TOP3A: variants seen among roughly 807,000 people sequenced by gnomAD.
The protein encoded by TOP3A is DNA topoisomerase 3-alpha.
Under a neutral mutation model 111.3 loss-of-function variants are expected in TOP3A, and 64 were observed. The ratio of observed to expected loss-of-function variants is 0.57; its 90% CI spans 0.47 to 0.71. The LOEUF (loss-of-function observed/expected upper bound fraction) is 0.71. Among genes scored for constraint, TOP3A ranks in the 30% least tolerant of loss-of-function variants. The probability of loss-of-function intolerance (pLI) is 0.00; values close to 1 mark genes in which losing one functional copy is unlikely to be tolerated. For missense variants in TOP3A, 1,104 were observed against 1,285.0 expected (o/e 0.86, Z 2.15); for synonymous variants, 484 against 485.1 (o/e 1.00, Z 0.03).
At position 18,305,201 on chromosome 17, in the gene TOP3A, G is replaced by A. The variant is rs1325685209; in HGVS notation, c.410C>T (p.Thr137Ile). The A allele has an allele frequency of 2.5e-6, 4 of 1,614,166 alleles. No homozygotes were observed. The highest frequency in any genetic ancestry group is 8.5e-7 in the Non-Finnish European group (1 of 1,180,004). ...GATCACCAGAGCCTGGCACTGGCGA[G>A]TCTCTCGTTCCAAAGTTTTCTTAAG... ...VDIKKTLERETRQCQALVIWT... is the reference protein window; with the variant it reads ...VDIKKTLEREIRQCQALVIWT... The change falls in exon 5 of 19, where the codon ACT becomes ATT. Residue 137 changes from threonine (T) to isoleucine (I), a missense_variant. Transcript: ENST00000321105.
chr17:18,301,950 T>C lies in TOP3A; in HGVS notation c.850A>G (p.Asn284Asp). The C allele has an allele frequency of 6.2e-7, 1 of 1,614,226 alleles. No homozygotes were observed. The highest frequency in any genetic ancestry group is 8.5e-7 in the Non-Finnish European group (1 of 1,180,036). The change falls in exon 8 of 19, where the codon AAC becomes GAC. Residue 284 changes from asparagine (N) to aspartate (D), a missense_variant. Transcript: ENST00000321105. ...HDHKDGIVEFNWKRHRLFNHT... is the reference protein window; with the variant it reads ...HDHKDGIVEFDWKRHRLFNHT... The stretch of plus-strand genomic sequence containing the variant: ...TTAAAGAGTCGATGCCTTTTCCAGT[T>C]GAATTCTACGATACCATCTTTGTGG...
rs565829601 is a variant in TOP3A at position 18,294,930 on chromosome 17, G to A, written c.991-145C>T. 3.2e-5 allele frequency: 20 copies of A among 619,492 alleles called. No individual in the cohort carries two copies. The East Asian group carries it at 4.7e-4, about 15-fold the overall frequency. The allele number at this position is 619,492 out of a possible 1,614,324, so 38.4% of individuals were successfully genotyped here. On this transcript the variant is annotated intron_variant, in intron 9 of 18. Transcript: ENST00000321105. ...AGAGCTGAAAAGGCTGCCCAACAACGATTTCTGGGCCTGCCAAGCAGAGTC... is the reference window on the plus strand; with the variant it reads ...AGAGCTGAAAAGGCTGCCCAACAACAATTTCTGGGCCTGCCAAGCAGAGTC...
At chr17:18,294,818 A>G (rs756644049) in intron 9 of TOP3A, 33 bp from the exon 10 acceptor site, 2 of 1,443,592 alleles carry the variant, frequency 1.4e-6, no homozygotes, top group South Asian at 1.1e-5. Context: ...TGTTAGGTGT[A>G]CTGCATGGGT....
In TOP3A at chr17:18,292,793, A is replaced by C; in HGVS notation, c.1133T>G (p.Val378Gly). The C allele has an allele frequency of 6.2e-7, 1 of 1,613,912 alleles. No individual in the cohort carries two copies. Among genetic ancestry groups the C allele is most frequent in the Non-Finnish European group, 8.5e-7 (1 of 1,179,914 alleles). Residue 378 changes from valine (V) to glycine (G), a missense_variant, in exon 11 of 19, where the codon GTG (valine) becomes GGG (glycine). Coordinates refer to ENST00000321105, the MANE Select transcript of TOP3A (RefSeq NM_004618.5). ...ATCGGGGGTCTGCTGTTCCACCAAC[A>C]CCGTCAGGTTTAAGTCTCTGGGAAA... The part of the protein sequence containing the change: ...NIFPRDLNLT[V>G]LVEQQTPDPR...
intron 18 of TOP3A, among the ~76,000 whole-genome samples, chr17:18,276,334 G>A (rs767707101): frequency 6.6e-6 from 1 of 152,180 alleles, no homozygotes; most frequent in Non-Finnish European, 1.5e-5. Flanking sequence ...AGCCAGCCTG[G>A]AGGTCAGATA....
At chr17:18,298,046 T>C (rs1470900723) in intron 9 of TOP3A, among the ~76,000 whole-genome samples, 1 of 143,460 alleles carries the variant, frequency 7.0e-6, no homozygotes, top group East Asian at 2.1e-4. Flanking sequence ...GCCCATCGTC[T>C]GAGATGTGGG....
At chr17:18,294,459 A>G (rs1980669582) in intron 10 of TOP3A, among the ~76,000 whole-genome samples, 2 of 151,782 alleles carry the variant, frequency 1.3e-5, no homozygotes, top group African/African-American at 2.4e-5. Flanking sequence ...CCTCCCCAGT[A>G]GCTGGGACTA....
At chr17:18,293,790 T>C (rs1366595281) in intron 10 of TOP3A, among the ~76,000 whole-genome samples, 1 of 151,962 alleles carries the variant, frequency 6.6e-6, no homozygotes, top group Non-Finnish European at 1.5e-5. Flanking sequence ...AGAGATGGGG[T>C]TTCACCATGT....
In TOP3A at chr17:18,314,860, C is replaced by T. The variant is rs545651423; in HGVS notation, c.-82G>A. On this transcript the variant is annotated 5_prime_UTR_variant, in exon 1 of 19. The change creates a new upstream start codon in the 5' untranslated region. Transcript: ENST00000321105. ...AGAGATGAGGCTCAAATGGCGCCCA[C>T]CGAAAGGGAACCAGAGCCTCGCTTC... 5.6e-5 allele frequency: 60 copies of T among 1,073,646 alleles called. 1 individual carries two copies. Among genetic ancestry groups the T allele is most frequent in the Admixed American group, 2.4e-4 (7 of 29,366 alleles). 66.5% of individuals were successfully genotyped at this position (1,073,646 alleles called of 1,614,324 possible). A position where few individuals can be genotyped will look rare whatever the true frequency, so the allele number is the denominator to read the frequency against.
chr17:18,311,218 T>A (rs931616754), intron 1 of TOP3A, among the ~76,000 whole-genome samples: 7 of 152,058 alleles, frequency 4.6e-5, no homozygotes, highest in Admixed American at 1.3e-4. Context: ...GCCAGGATGG[T>A]CTCAATCTCT....
rs965683575 is a variant in TOP3A, at chr17:18,273,796, T to G, written c.*1006A>C. On this transcript the variant is annotated 3_prime_UTR_variant, in exon 19 of 19. Transcript: ENST00000321105. ...GACGTGTACAACTGTGCTTGTTATATTTTTAAAAATAGAGACAAGGTCTAA... is the reference window on the plus strand; with the variant it reads ...GACGTGTACAACTGTGCTTGTTATAGTTTTAAAAATAGAGACAAGGTCTAA... The G allele has an allele frequency of 6.6e-6, 1 of 152,136 alleles. No homozygotes were observed. Among genetic ancestry groups the G allele is most frequent in the Non-Finnish European group, 1.5e-5 (1 of 68,036 alleles). The allele number at this position is 152,136 out of a possible 1,614,324, so 9.4% of individuals were successfully genotyped here.
intron 10 of TOP3A, among the ~76,000 whole-genome samples, chr17:18,293,675 C>T (rs958436935): frequency 6.6e-5 from 10 of 152,048 alleles, no homozygotes; most frequent in African/African-American, 2.2e-4. Flanking sequence ...CAGCTCAGTA[C>T]AACCTCTGCC....
chr17:18,285,249 A>C lies in TOP3A; in HGVS notation c.1770T>G (p.Ala590=), dbSNP rs777191580. ...TGCCATCACAGATCAGCTTCAGATC[A>C]GCTTCCAGTTCAGCCCGGAGGTCAG... ...SKPDLRAELE[A]DLKLICDGKK... The change falls in exon 15 of 19, where the codon GCT becomes GCG. Residue 590 remains alanine, a synonymous_variant. Transcript: ENST00000321105. The C allele has an allele frequency of 6.2e-7, 1 of 1,614,232 alleles. No individual in the cohort carries two copies. Among genetic ancestry groups the C allele is most frequent in the South Asian group, 1.1e-5 (1 of 91,082 alleles).
intron 13 of TOP3A, among the ~76,000 whole-genome samples, chr17:18,286,143 C>T (rs1980080130): frequency 6.8e-6 from 1 of 146,944 alleles, no homozygotes; most frequent in African/African-American, 2.5e-5. Flanking sequence ...GAGGCTGCAA[C>T]GAGCTGAGAT....
intron 18 of TOP3A, among the ~76,000 whole-genome samples, chr17:18,275,327 C>T (rs1280305582): frequency 2.2e-5 from 3 of 135,366 alleles, no homozygotes; most frequent in African/African-American, 8.2e-5. Flanking sequence ...GAGCAGCAGA[C>T]GATAAGGCTG....
At chr17:18,302,128 G>T in intron 7 of TOP3A, 136 bp downstream of exon 7, 1 of 1,372,056 alleles carries the variant, frequency 7.3e-7, no homozygotes, top group Non-Finnish European at 1.0e-6. Context: ...ACTTTAAGTG[G>T]ATTGTAATGG....
intron 13 of TOP3A, among the ~76,000 whole-genome samples, chr17:18,287,816 G>A (rs888535934): frequency 6.6e-6 from 1 of 151,926 alleles, no homozygotes; most frequent in African/African-American, 2.4e-5. Context: ...GGCCAACATG[G>A]TGAAACCCTG....
intron 1 of TOP3A, among the ~76,000 whole-genome samples, chr17:18,310,065 C>G (rs148211639): frequency 2.0e-5 from 3 of 152,152 alleles, no homozygotes; most frequent in Non-Finnish European, 4.4e-5. Flanking sequence ...ACCCAAATGT[C>G]CATCAACTGA....
intron 16 of TOP3A, among the ~76,000 whole-genome samples, chr17:18,282,003 G>A (rs541089163): frequency 3.9e-5 from 6 of 152,068 alleles, no homozygotes; most frequent in Non-Finnish European, 8.8e-5. Context: ...AGTGAGGGAC[G>A]GCACCTGATG....
Sources: gnomAD v4.1 joint callset for allele counts (sites outside exome capture counted in the v4.1 genomes callset) on GRCh38, gnomAD v4.1.1 for gene constraint, MANE v1.5 for transcripts, NCBI Gene and HGNC (gene_info 2026-07-23, HGNC 2026-07-21) for gene names.